Variants in KCTD8 observed in about 807,000 individuals in gnomAD.
KCTD8 encodes the protein BTB/POZ domain-containing protein KCTD8.
In KCTD8, 27 loss-of-function variants were observed where a neutral mutation model predicts 31.5. The observed-to-expected ratio is 0.86, with a 90% CI of 0.63 to 1.18. The LOEUF (loss-of-function observed/expected upper bound fraction) is 1.18. KCTD8 is among the 50% of genes most tolerant of loss of function. The pLI is 0.00. For missense variants in KCTD8, 658 were observed against 647.7 expected, an observed-to-expected ratio of 1.02 and a Z score of -0.17; for synonymous variants, 290 against 280.0, an observed-to-expected ratio of 1.04 and a Z score of -0.36.
chr4:44,312,514 A>T (rs539438905), intron 1 of KCTD8, among the ~76,000 whole-genome samples: 274 of 152,304 alleles, frequency 1.8e-3, no homozygotes, highest in Middle Eastern at 3.4e-3. Flanking sequence ...AAATCTGAAA[A>T]AAAGCAATAG....
intron 1 of KCTD8, among the ~76,000 whole-genome samples, chr4:44,354,868 G>T (rs1416667172): frequency 1.3e-5 from 2 of 152,046 alleles, no homozygotes; most frequent in Non-Finnish European, 2.9e-5. Context: ...TGGACATCAT[G>T]CAGTTAGTAT....
At position 44,352,870 on chromosome 4, in the gene KCTD8, A is replaced by G. The variant is rs530449711; in HGVS notation, c.961+94693T>C. Among the ~76,000 whole-genome samples, 3 of 152,134 alleles carry G rather than the reference A, an allele frequency of 2.0e-5. No homozygotes were observed. In the South Asian group the frequency reaches 6.2e-4, roughly 32 times the overall value. On this transcript the variant is annotated intron_variant, in intron 1 of 1. Transcript: ENST00000360029. Reference sequence around the variant, plus strand: ...CACACTAGAATTTTTGTAAGCATCCATCTCATTCTCTCCCACTATAATATC... The same window carrying G: ...CACACTAGAATTTTTGTAAGCATCCGTCTCATTCTCTCCCACTATAATATC...
intron 1 of KCTD8, among the ~76,000 whole-genome samples, chr4:44,275,282 C>T (rs1259280132): frequency 6.6e-6 from 1 of 151,954 alleles, no homozygotes; most frequent in Admixed American, 6.6e-5. Flanking sequence ...TTGTTCCTAA[C>T]ATTTGGGTAA....
intron 1 of KCTD8, among the ~76,000 whole-genome samples, chr4:44,380,849 C>A (rs1720046279): frequency 6.6e-6 from 1 of 151,838 alleles, no homozygotes; most frequent in Non-Finnish European, 1.5e-5. Context: ...TGTTGAAGTG[C>A]AAAGTTCACA....
In KCTD8 at chr4:44,338,978, G is replaced by A. The variant is rs116384779; in HGVS notation, c.961+108585C>T. 5.6e-3 allele frequency among the ~76,000 whole-genome samples: 851 copies of A among 152,216 alleles called. 11 individuals carry two copies. The highest frequency in any genetic ancestry group is 0.02 in the African/African-American group (817 of 41,540). ...AGGAAAGCACATTCTGAGCCTCACT[G>A]ACTTTCTCTCCCAAATGGAAATGTT... is the stretch of plus-strand genomic sequence containing the variant. On this transcript the variant is annotated intron_variant, in intron 1 of 1. Coordinates refer to ENST00000360029, the MANE Select transcript of KCTD8 (RefSeq NM_198353.3).
chr4:44,240,545 C>T (rs1199150411), intron 1 of KCTD8, among the ~76,000 whole-genome samples: 2 of 152,152 alleles, frequency 1.3e-5, no homozygotes, highest in Non-Finnish European at 2.9e-5. Flanking sequence ...TATGTTGTTG[C>T]CCAGGCTGAT....
In KCTD8 at chr4:44,251,988, T is replaced by C. The variant is rs749328484; in HGVS notation, c.962-76738A>G. Among the ~76,000 whole-genome samples, 132 of 151,828 alleles carry C rather than the reference T, an allele frequency of 8.7e-4. 1 individual carries two copies. The highest frequency in any genetic ancestry group is 1.6e-3 in the Non-Finnish European group (110 of 67,772). On this transcript the variant is annotated intron_variant, in intron 1 of 1. Coordinates refer to ENST00000360029, the MANE Select transcript of KCTD8 (RefSeq NM_198353.3). ...CCCAAGCAGTGTACACTATACCTAA[T>C]GTGTAGTCTTTTATCCTTCACCCTC...
chr4:44,260,499 G>C (rs1259191485), intron 1 of KCTD8, among the ~76,000 whole-genome samples: 1 of 151,998 alleles, frequency 6.6e-6, no homozygotes, highest in Admixed American at 6.6e-5. Context: ...TAAGGGAACA[G>C]AGTGGGGAGA....
chr4:44,373,988 C>T, intron 1 of KCTD8, among the ~76,000 whole-genome samples: 1 of 152,074 alleles, frequency 6.6e-6, no homozygotes, highest in East Asian at 1.9e-4. Flanking sequence ...AAGTACTATT[C>T]TTTAGAACAC....
At chr4:44,187,039 G>A (rs921077486) in intron 1 of KCTD8, among the ~76,000 whole-genome samples, 3 of 152,136 alleles carry the variant, frequency 2.0e-5, no homozygotes, top group African/African-American at 7.2e-5. Context: ...AATGGGGGGA[G>A]TCGAAGATAA....
chr4:44,438,771 G>A (rs1721745331), intron 1 of KCTD8, among the ~76,000 whole-genome samples: 1 of 152,132 alleles, frequency 6.6e-6, no homozygotes, highest in South Asian at 2.1e-4. Flanking sequence ...AAAGAAATGG[G>A]ATTGCCTATG....
At chr4:44,207,524 T>C (rs925682364) in intron 1 of KCTD8, among the ~76,000 whole-genome samples, 4 of 152,368 alleles carry the variant, frequency 2.6e-5, no homozygotes, top group African/African-American at 9.6e-5. Flanking sequence ...ATCTGTTGAA[T>C]TGTTGAATAA....
chr4:44,222,032 C>T (rs1267276668), intron 1 of KCTD8, among the ~76,000 whole-genome samples: 3 of 152,150 alleles, frequency 2.0e-5, no homozygotes, highest in Non-Finnish European at 4.4e-5. Flanking sequence ...GTGATAGGCA[C>T]ACTAAGGAAA....
intron 1 of KCTD8, among the ~76,000 whole-genome samples, chr4:44,248,874 C>T (rs1241093125): frequency 2.0e-5 from 3 of 151,752 alleles, no homozygotes; most frequent in Non-Finnish European, 4.4e-5. Context: ...GAGAACCTGC[C>T]TCAAACTGTT....
At chr4:44,328,791 A>C (rs1323526938) in intron 1 of KCTD8, among the ~76,000 whole-genome samples, 1 of 151,836 alleles carries the variant, frequency 6.6e-6, no homozygotes, top group Non-Finnish European at 1.5e-5. Flanking sequence ...AAAATCCATT[A>C]ATCTATTAAA....
intron 1 of KCTD8, among the ~76,000 whole-genome samples, chr4:44,239,887 T>A (rs1161807563): frequency 6.6e-6 from 1 of 152,218 alleles, no homozygotes; most frequent in African/African-American, 2.4e-5. Context: ...AAGTGGTTTG[T>A]CTTTAATCTT....
chr4:44,265,172 C>A (rs972737285), intron 1 of KCTD8, among the ~76,000 whole-genome samples: 2 of 152,102 alleles, frequency 1.3e-5, no homozygotes, highest in Admixed American at 6.5e-5. Context: ...CCTCACACGG[C>A]CGGGTACTCC....
chr4:44,447,550 GC>G lies in KCTD8; in HGVS notation c.961+12del, dbSNP rs779207636. 2.0e-6 allele frequency: 3 copies of G among 1,535,508 alleles called. No homozygotes were observed. In the African/African-American group the frequency reaches 4.1e-5, roughly 21 times the overall value. ...GCGAGGGGTGCTGGGAAACGCCGGG[GC>G]TGCGAACTTACGGAAGAAAATGTAC... On this transcript the variant is annotated intron_variant, in intron 1 of 1. Coordinates refer to ENST00000360029, the MANE Select transcript of KCTD8 (RefSeq NM_198353.3).
intron 1 of KCTD8, among the ~76,000 whole-genome samples, chr4:44,245,703 T>A (rs1469381346): frequency 6.6e-6 from 1 of 152,000 alleles, no homozygotes; most frequent in African/African-American, 2.4e-5. Context: ...AATAACCATA[T>A]GCCAGCAGTA....
Sources: gnomAD v4.1 joint callset for allele counts (sites outside exome capture counted in the v4.1 genomes callset) on GRCh38, gnomAD v4.1.1 for gene constraint, MANE v1.5 for transcripts, NCBI Gene and HGNC (gene_info 2026-07-23, HGNC 2026-07-21) for gene names.